The following SRPRA variants were observed in gnomAD, a reference collection of about 807,000 sequenced individuals.
The protein encoded by SRPRA is SRP receptor subunit alpha, also known as signal recognition particle receptor subunit alpha.
A neutral mutation model predicts 61.1 loss-of-function variants in SRPRA; 30 were observed. The ratio of observed to expected loss-of-function variants is 0.49; its 90% CI spans 0.37 to 0.67. The LOEUF is 0.67. Among genes scored for constraint, SRPRA ranks in the 30% least tolerant of loss-of-function variants. SRPRA has a pLI of 0.00. For synonymous variants in SRPRA, 324 were observed against 299.7 expected (o/e 1.08, Z -0.84); for missense variants, 759 against 828.4 (o/e 0.92, Z 1.03).
chr11:126,246,700 C>T, the SRPRA span, among the ~76,000 whole-genome samples: 1 of 151,998 alleles, frequency 6.6e-6, no homozygotes, highest in Non-Finnish European at 1.5e-5. Flanking sequence ...TTTCAGCTTC[C>T]CAAAAACTGA....
At chr11:126,237,716 G>T in the SRPRA span, among the ~76,000 whole-genome samples, 1 of 146,888 alleles carries the variant, frequency 6.8e-6, no homozygotes, top group African/African-American at 2.5e-5. Context: ...AATTAGCGGG[G>T]CGTGGTGGCG....
Position 126,265,685 on chromosome 11 carries a change from T to C in SRPRA, c.1138+52A>G. The C allele has an allele frequency of 1.3e-6, 2 of 1,583,880 alleles. No homozygotes were observed. The highest frequency in any genetic ancestry group is 1.7e-6 in the Non-Finnish European group (2 of 1,153,472). On this transcript the variant is annotated intron_variant, in intron 9 of 13. Transcript: ENST00000332118. The surrounding 1 kb of genome is among the most constrained non-coding windows in gnomAD (Gnocchi z 6.3). ...GTCACATACCTAGTAAGAACTGAGG[T>C]CTATGCACTTAACCTACACATAAGC...
the SRPRA span, among the ~76,000 whole-genome samples, chr11:126,249,301 A>C: frequency 1.4e-4 from 21 of 152,374 alleles, no homozygotes; most frequent in African/African-American, 4.3e-4. Context: ...TAAAAAACGT[A>C]TTAAATTGTT....
chr11:126,256,838 C>A, the SRPRA span: 1 of 1,613,072 alleles, frequency 6.2e-7, no homozygotes, highest in Non-Finnish European at 8.5e-7. The surrounding 1 kb of genome is among the most constrained non-coding windows in gnomAD (Gnocchi z 6.6). Context: ...GAGATCTCCA[C>A]AAGGGGTACA....
At chr11:126,256,516 T>G in the SRPRA span, 4 of 1,563,842 alleles carry the variant, frequency 2.6e-6, no homozygotes, top group Admixed American at 7.0e-5. The surrounding 1 kb of genome is among the most constrained non-coding windows in gnomAD (Gnocchi z 6.6). Flanking sequence ...GTTTCAGACT[T>G]GCCTTGAGTG....
Position 126,267,932 on chromosome 11 carries a change from T to G in SRPRA, c.201+71A>C. On this transcript the variant is annotated intron_variant, in intron 2 of 13. Transcript: ENST00000332118. This position sits in a 1 kb window ranked among gnomAD's most constrained non-coding sequence, Gnocchi z 4.2. ...ACGTCATCATATACACTGGCTGCAA[T>G]TAATCAGAGTTCTCTTAAAAATCAG... The G allele has an allele frequency of 6.6e-7, 1 of 1,523,872 alleles. No homozygotes were observed. Among genetic ancestry groups the G allele is most frequent in the Non-Finnish European group, 9.1e-7 (1 of 1,099,400 alleles). 94.4% of individuals were successfully genotyped at this position (1,523,872 alleles called of 1,614,324 possible).
chr11:126,250,650 A>G, the SRPRA span: 4 of 1,614,066 alleles, frequency 2.5e-6, no homozygotes, highest in Non-Finnish European at 3.4e-6. The surrounding 1 kb of genome is among the most constrained non-coding windows in gnomAD (Gnocchi z 5.1). Context: ...CGTATTAACT[A>G]CAAATTTTGA....
downstream of SRPRA, among the ~76,000 whole-genome samples, chr11:126,259,378 A>C (rs1950634780): frequency 6.6e-6 from 1 of 152,284 alleles, no homozygotes; most frequent in African/African-American, 2.4e-5. Flanking sequence ...TGGGAAAAAG[A>C]AAAATAATTC....
downstream of SRPRA, chr11:126,262,848 C>T (rs1254565412): frequency 6.6e-6 from 1 of 152,598 alleles, no homozygotes; most frequent in East Asian, 1.9e-4. Context: ...GTTGTCCTGA[C>T]CATACATATG....
chr11:126,239,921 A>G, the SRPRA span, among the ~76,000 whole-genome samples: 22 of 152,322 alleles, frequency 1.4e-4, no homozygotes, highest in Non-Finnish European at 2.9e-4. Flanking sequence ...TGAAAGTGCT[A>G]TTCCTTTCTT....
chr11:126,253,658 T>C, the SRPRA span, among the ~76,000 whole-genome samples: 2 of 152,178 alleles, frequency 1.3e-5, no homozygotes, highest in Non-Finnish European at 2.9e-5. The surrounding 1 kb of genome is among the most constrained non-coding windows in gnomAD (Gnocchi z 5.1). Context: ...TCTGCTGATT[T>C]TTGCACCCTC....
In SRPRA at chr11:126,267,559, G is replaced by A. The variant is rs757945424; in HGVS notation, c.355C>T (p.Arg119Trp). 21 of 1,613,854 alleles carry A rather than the reference G, an allele frequency of 1.3e-5. No individual in the cohort carries two copies. Among genetic ancestry groups the A allele is most frequent in the African/African-American group, 6.7e-5 (5 of 74,908 alleles). The change falls in exon 3 of 14, where the codon CGG (arginine) becomes TGG (tryptophan). Residue 119 changes from arginine to tryptophan, a missense_variant. Arg to Trp is a moderately radical substitution (Grantham distance 101). Around this residue, in one of 2 missense-constraint regions of SRPRA, gnomAD observed 475 missense variants for 462.5 expected, o/e 1.03. Coordinates refer to ENST00000332118, the MANE Select transcript of SRPRA (RefSeq NM_003139.4). The surrounding 1 kb of genome is among the most constrained non-coding windows in gnomAD (Gnocchi z 4.2). The part of the protein sequence containing the change: ...GTFDFQNDFL[R>W]LLREAEESSK... ...AGGCAGGTCTCTCACCGAAGGAGCC[G>A]CAGGAAGTCATTTTGGAAATCAAAA...
the SRPRA span, among the ~76,000 whole-genome samples, chr11:126,237,379 C>A: frequency 6.7e-6 from 1 of 149,018 alleles, no homozygotes; most frequent in Non-Finnish European, 1.5e-5. Context: ...CTCTACCACA[C>A]CTGGCTAATT....
chr11:126,256,748 T>C, the SRPRA span: 8 of 1,614,112 alleles, frequency 5.0e-6, no homozygotes, highest in Non-Finnish European at 6.8e-6. This position sits in a 1 kb window ranked among gnomAD's most constrained non-coding sequence, Gnocchi z 6.6. Flanking sequence ...CGAGAAAACA[T>C]GCTGGACAAG....
the SRPRA span, among the ~76,000 whole-genome samples, chr11:126,240,125 T>C: frequency 6.6e-6 from 1 of 152,198 alleles, no homozygotes; most frequent in Non-Finnish European, 1.5e-5. Flanking sequence ...GTCTCACATA[T>C]GGGCCTCAGA....
At position 126,266,750 on chromosome 11, in the gene SRPRA, A is replaced by AC. The variant is rs1950816510; in HGVS notation, c.686+12_686+13insG. ...TAACAGTATTTTGAGAGTACTGGAG[A>AC]AAGAGTGCTCACTTGGACTTCTCCA... On this transcript the variant is annotated intron_variant, in intron 5 of 13. Transcript: ENST00000332118. 1.2e-6 allele frequency: 2 copies of AC among 1,613,668 alleles called. No individual in the cohort carries two copies. The highest frequency in any genetic ancestry group is 1.3e-5 in the African/African-American group (1 of 75,038).
At chr11:126,245,984 G>A in the SRPRA span, among the ~76,000 whole-genome samples, 1 of 146,962 alleles carries the variant, frequency 6.8e-6, no homozygotes, top group African/African-American at 2.5e-5. Flanking sequence ...CAACAGGTAC[G>A]AGACTCCGTC....
chr11:126,255,819 G>A, the SRPRA span, among the ~76,000 whole-genome samples: 1 of 151,926 alleles, frequency 6.6e-6, no homozygotes, highest in Non-Finnish European at 1.5e-5. This position sits in a 1 kb window ranked among gnomAD's most constrained non-coding sequence, Gnocchi z 4.6. Flanking sequence ...TGGGCGTGCT[G>A]GCAGGTGCCT....
In SRPRA at chr11:126,264,145, C is replaced by T. The variant is rs763306794; in HGVS notation, c.1788+46G>A. On this transcript the variant is annotated intron_variant, in intron 13 of 13. Coordinates refer to ENST00000332118, the MANE Select transcript of SRPRA (RefSeq NM_003139.4). This position sits in a 1 kb window ranked among gnomAD's most constrained non-coding sequence, Gnocchi z 5.0. ...AGCCAAGATTTCCTTGCAGCCTCAG[C>T]TCCTTTGTGCAGGACGCCCATTCCA... The T allele has an allele frequency of 2.5e-6, 4 of 1,611,774 alleles. No homozygotes were observed. Among genetic ancestry groups the T allele is most frequent in the Non-Finnish European group, 3.4e-6 (4 of 1,178,476 alleles).
Sources: gnomAD v4.1 joint callset for allele counts (sites outside exome capture counted in the v4.1 genomes callset) on GRCh38, gnomAD v4.1.1 for gene constraint, gnomAD v4.1.1 regional missense constraint, Gnocchi (gnomAD v3.1) non-coding constraint, MANE v1.5 for transcripts, NCBI Gene and HGNC (gene_info 2026-07-23, HGNC 2026-07-21) for gene names.